The following JAG2 variants were observed in gnomAD, a reference collection of about 807,000 sequenced individuals.
JAG2 encodes the protein protein jagged-2.
Under a neutral mutation model 141.7 loss-of-function variants are expected in JAG2, and 46 were observed. That is an observed-to-expected ratio of 0.32 (90% CI 0.26 to 0.42). The LOEUF (loss-of-function observed/expected upper bound fraction) is 0.42, where lower values mean the gene tolerates loss of function less well. Among genes scored for constraint, JAG2 ranks in the 10% least tolerant of loss-of-function variants. The pLI is 1.00. For synonymous variants in JAG2, 862 were observed against 763.5 expected (o/e 1.13, Z -2.13); for missense variants, 1,500 against 1,817.5 (o/e 0.83, Z 3.18).
In JAG2 at chr14:105,155,841, G is replaced by A. The variant is rs1253569887; in HGVS notation, c.624C>T (p.Asn208=). ...CDENYYSATC[N]KFCRPRNDFF... ...AGTCGTTGCGGGGCCGGCAGAACTT[G>A]TTGCAAGTGGCGCTGTAGTAGTTCT... The change falls in exon 4 of 26, where the codon AAC becomes AAT. Residue 208 remains asparagine (N), a synonymous_variant. Transcript: ENST00000331782. The A allele has an allele frequency of 6.2e-7, 1 of 1,612,534 alleles. No homozygotes were observed. Among genetic ancestry groups the A allele is most frequent in the Non-Finnish European group, 8.5e-7 (1 of 1,179,862 alleles).
In JAG2 at chr14:105,167,532, C is replaced by T. The variant is rs1467244242; in HGVS notation, c.417+225G>A. On this transcript the variant is annotated intron_variant, in intron 2 of 25. Coordinates refer to ENST00000331782, the MANE Select transcript of JAG2 (RefSeq NM_002226.5). This position sits in a 1 kb window ranked among gnomAD's most constrained non-coding sequence, Gnocchi z 4.8. Reference sequence around the variant, plus strand: ...CGCACGCGGGACGCCGCCGCCCCGCCCCCGCCGCGACCCCGCTCCCGGTGG... The same window carrying T: ...CGCACGCGGGACGCCGCCGCCCCGCTCCCGCCGCGACCCCGCTCCCGGTGG... Among the ~76,000 whole-genome samples the T allele has an allele frequency of 6.8e-6, 1 of 147,756 alleles. No individual in the cohort carries two copies. Among genetic ancestry groups the T allele is most frequent in the Non-Finnish European group, 1.5e-5 (1 of 66,362 alleles).
chr14:105,143,102 A>G lies in JAG2; in HGVS notation c.3310T>C (p.Trp1104Arg), dbSNP rs1487170881. 1.3e-6 allele frequency: 2 copies of G among 1,599,444 alleles called. No homozygotes were observed. The highest frequency in any genetic ancestry group is 2.7e-5 in the African/African-American group (2 of 74,894). The change falls in exon 26 of 26, where the codon TGG becomes CGG. Residue 1104 changes from tryptophan to arginine, a missense_variant. By Grantham distance (101) the Trp-to-Arg change is moderately radical (BLOSUM62 -3). Around this residue, in one of 3 missense-constraint regions of JAG2, gnomAD observed 425 missense variants for 441.0 expected, o/e 0.96. Coordinates refer to ENST00000331782, the MANE Select transcript of JAG2 (RefSeq NM_002226.5). ...TCTTTCCTGCGCTTGCGTGTCCACC[A>G]CACGCACAGGACCACGCACGCCAGC... is the stretch of plus-strand genomic sequence containing the variant. ...LWLACVVLCVWWTRKRRKERE... is the reference protein window; with the variant it reads ...LWLACVVLCVRWTRKRRKERE...
In JAG2 at chr14:105,152,434, A is replaced by G. The variant is rs1888465142; in HGVS notation, c.789-143T>C. The G allele has an allele frequency of 6.2e-6, 6 of 963,266 alleles. No homozygotes were observed. The East Asian group carries it at 1.6e-4, about 25-fold the overall frequency. The allele number at this position is 963,266 out of a possible 1,614,324, so 59.7% of individuals were successfully genotyped here. A position where few individuals can be genotyped will look rare whatever the true frequency, so the allele number is the denominator to read the frequency against. On this transcript the variant is annotated intron_variant, in intron 5 of 25. Coordinates refer to ENST00000331782, the MANE Select transcript of JAG2 (RefSeq NM_002226.5). ...TGAACTGGAGCAGCCCCAGCCAGGC[A>G]GGGGTTGCAGCCCTGCCGGCCAGCC... is the stretch of plus-strand genomic sequence containing the variant.
In JAG2 at chr14:105,156,197, G is replaced by A. The variant is rs983043861; in HGVS notation, c.476-208C>T. The stretch of plus-strand genomic sequence containing the variant: ...CTCTCCCTCCCGCCACCAAGCCTGC[G>A]CCCCGCTCCCACCCTAAACGCAGAG... On this transcript the variant is annotated intron_variant, in intron 3 of 25. Coordinates refer to ENST00000331782, the MANE Select transcript of JAG2 (RefSeq NM_002226.5). Among the ~76,000 whole-genome samples, 16 of 95,186 alleles carry A rather than the reference G, an allele frequency of 1.7e-4. No homozygotes were observed. In the East Asian group the frequency reaches 3.8e-3, roughly 22 times the overall value. The allele number at this position is 95,186 out of a possible 152,430, so 62.4% of individuals were successfully genotyped here.
In JAG2 at chr14:105,168,487, G is replaced by A; in HGVS notation, c.-67C>T. On this transcript the variant is annotated 5_prime_UTR_variant, in exon 1 of 26. Coordinates refer to ENST00000331782, the MANE Select transcript of JAG2 (RefSeq NM_002226.5). ...GCGCCCGGCTCCCAGCCGCCGCGCC[G>A]GCCTCCCAGCGCCCGCCCGCCCTCC... is the stretch of plus-strand genomic sequence containing the variant. 7.6e-6 allele frequency: 3 copies of A among 395,366 alleles called. No individual in the cohort carries two copies. The highest frequency in any genetic ancestry group is 1.0e-5 in the Non-Finnish European group (3 of 294,194). 24.5% of individuals were successfully genotyped at this position (395,366 alleles called of 1,614,324 possible).
At chr14:105,164,407 A>T (rs956235247) in intron 2 of JAG2, among the ~76,000 whole-genome samples, 1 of 152,192 alleles carries the variant, frequency 6.6e-6, no homozygotes, top group African/African-American at 2.4e-5. Flanking sequence ...CCAGATGCCC[A>T]CATTCCATAC....
Position 105,145,741 on chromosome 14 carries a change from T to C in JAG2, c.2942A>G (p.His981Arg), listed in dbSNP as rs759082162. Reference sequence around the variant, plus strand: ...CACCAGGCCCCTCACCTGGGGCACGTGGTCACGGTTGAAATGCAAGGTGAG... The same window carrying C: ...CACCAGGCCCCTCACCTGGGGCACGCGGTCACGGTTGAAATGCAAGGTGAG... ...ARLTLHFNRD[H>R]VPQGTTVGAI... is the part of the protein sequence containing the mutation. The change falls in exon 23 of 26, where the codon CAC becomes CGC. Residue 981 changes from histidine (H) to arginine (R), a missense_variant. Around this residue, in one of 3 missense-constraint regions of JAG2, gnomAD observed 425 missense variants for 441.0 expected, o/e 0.96. Transcript: ENST00000331782. 2 of 1,595,202 alleles carry C rather than the reference T, an allele frequency of 1.3e-6. No individual in the cohort carries two copies. Among genetic ancestry groups the C allele is most frequent in the African/African-American group, 2.7e-5 (2 of 74,418 alleles).
chr14:105,167,647 C>T lies in JAG2; in HGVS notation c.417+110G>A. On this transcript the variant is annotated intron_variant, in intron 2 of 25. Transcript: ENST00000331782. The surrounding 1 kb of genome is among the most constrained non-coding windows in gnomAD (Gnocchi z 4.8). ...GCCGGCCCCGCCCCGCCTGGGCGCG[C>T]GCGGCTCGCACGCAGACCCGGCCGC... The T allele has an allele frequency of 8.5e-7, 1 of 1,172,380 alleles. No homozygotes were observed. The highest frequency in any genetic ancestry group is 1.1e-6 in the Non-Finnish European group (1 of 944,282). 72.6% of individuals were successfully genotyped at this position (1,172,380 alleles called of 1,614,324 possible).
At chr14:105,168,208 C>G in intron 1 of JAG2, 101 bp from the exon 2 acceptor site, 1 of 1,033,052 alleles carries the variant, frequency 9.7e-7, no homozygotes, top group Non-Finnish European at 1.2e-6. Context: ...CGCCCCCACC[C>G]AGCCGCGCCC....
chr14:105,166,882 T>C (rs1052275506), intron 2 of JAG2, among the ~76,000 whole-genome samples: 1 of 152,052 alleles, frequency 6.6e-6, no homozygotes, highest in Non-Finnish European at 1.5e-5. Flanking sequence ...CCCAGCACAA[T>C]GACCAAGCAG....
Position 105,148,863 on chromosome 14 carries a change from A to G in JAG2, c.1907-5T>C. ...GGCCCAGGCAGTCGTCAATGTCTGC[A>G]GAGGCGAGCGGGGTGAGCCAGGGCC... On this transcript the variant is annotated splice_region_variant and splice_polypyrimidine_tract_variant and intron_variant, in intron 14 of 25. Transcript: ENST00000331782. The G allele has an allele frequency of 6.3e-7, 1 of 1,589,104 alleles. No homozygotes were observed. Among genetic ancestry groups the G allele is most frequent in the Non-Finnish European group, 8.6e-7 (1 of 1,168,744 alleles).
At chr14:105,159,406 C>T (rs10138486) in intron 2 of JAG2, among the ~76,000 whole-genome samples, 5,838 of 151,936 alleles carry the variant, frequency 0.038, 358 homozygotes, top group African/African-American at 0.13. Flanking sequence ...CCCTTAAACC[C>T]GTTTTCCCAC....
chr14:105,155,717 G>GCGGCCCTCCCTGCCCTC (rs769310589), intron 4 of JAG2, 21 bp downstream of exon 4: 1 of 1,612,346 alleles, frequency 6.2e-7, no homozygotes, highest in Admixed American at 1.7e-5. Context: ...TGCCCTCCAC[G>GCGGCCCTCCCTGCCCTC]CAGCCCAGCG....
chr14:105,146,122 T>G, intron 22 of JAG2, 149 bp from the exon 23 acceptor site: 5 of 1,321,740 alleles, frequency 3.8e-6, no homozygotes, highest in Non-Finnish European at 5.2e-6. Flanking sequence ...GCCCACCCCC[T>G]ACCCAGGGCT....
chr14:105,167,082 C>T lies in JAG2; in HGVS notation c.417+675G>A, dbSNP rs1888934718. Among the ~76,000 whole-genome samples the T allele has an allele frequency of 6.6e-6, 1 of 152,158 alleles. No homozygotes were observed. Among genetic ancestry groups the T allele is most frequent in the Non-Finnish European group, 1.5e-5 (1 of 68,008 alleles). ...CAGGCCAGGGCTCCTGCCTGACTGG[C>T]CACCTGCCAGGGGAGACCAGACAGC... On this transcript the variant is annotated intron_variant, in intron 2 of 25. Coordinates refer to ENST00000331782, the MANE Select transcript of JAG2 (RefSeq NM_002226.5). The surrounding 1 kb of genome is among the most constrained non-coding windows in gnomAD (Gnocchi z 4.8).
At chr14:105,156,521 G>A (rs1595183434) in intron 3 of JAG2, among the ~76,000 whole-genome samples, 3 of 152,198 alleles carry the variant, frequency 2.0e-5, no homozygotes, top group East Asian at 3.9e-4. Flanking sequence ...CCCAAGACAG[G>A]CATAGGTCCC....
rs1325900570 is a variant in JAG2, at chr14:105,146,722, T to C, written c.2482A>G (p.Ile828Val). The C allele has an allele frequency of 1.6e-5, 26 of 1,611,314 alleles. No homozygotes were observed. The highest frequency in any genetic ancestry group is 2.2e-5 in the South Asian group (2 of 90,998). ...CAGGGCGAGGACTGGCACTCGTCGA[T>C]GTCTGCAGGGAGAGCCACCGCTGCT... ...GFAGPDCRIN[I>V]DECQSSPCAY... The change falls in exon 21 of 26, where the codon ATC (isoleucine) becomes GTC (valine). Residue 828 changes from isoleucine (I) to valine (V), a missense_variant and splice_region_variant. By Grantham distance (29) the Ile-to-Val change is conservative (BLOSUM62 3). Transcript: ENST00000331782.
At chr14:105,163,140 C>T (rs1393869780) in intron 2 of JAG2, among the ~76,000 whole-genome samples, 6 of 152,200 alleles carry the variant, frequency 3.9e-5, no homozygotes, top group Non-Finnish European at 5.9e-5. Flanking sequence ...CCGCCCCCTA[C>T]GGAGCACAGC....
rs1200847010 is a variant in JAG2, at chr14:105,144,919, T to C, written c.3084+11A>G. On this transcript the variant is annotated intron_variant, in intron 24 of 25. Transcript: ENST00000331782. ...GGCCCACCCAGGTGCTGCTCCCCAC[T>C]GGGCACTCACCACGGCCACCTCCAC... The C allele has an allele frequency of 3.8e-6, 6 of 1,597,986 alleles. No homozygotes were observed. Among genetic ancestry groups the C allele is most frequent in the Non-Finnish European group, 5.1e-6 (6 of 1,176,344 alleles).
Sources: gnomAD v4.1 joint callset for allele counts (sites outside exome capture counted in the v4.1 genomes callset) on GRCh38, gnomAD v4.1.1 for gene constraint, gnomAD v4.1.1 regional missense constraint, Gnocchi (gnomAD v3.1) non-coding constraint, MANE v1.5 for transcripts, NCBI Gene and HGNC (gene_info 2026-07-23, HGNC 2026-07-21) for gene names.